Variants in SYNJ1 observed in about 807,000 individuals in gnomAD.
The protein encoded by SYNJ1 is synaptojanin 1.
SYNJ1 carries 78 observed loss-of-function variants against 168.2 expected under a neutral mutation model. The ratio of observed to expected loss-of-function variants is 0.46; its 90% CI spans 0.39 to 0.56. The LOEUF (loss-of-function observed/expected upper bound fraction) is 0.56, where lower values mean the gene tolerates loss of function less well. Among genes scored for constraint, SYNJ1 ranks in the 20% least tolerant of loss-of-function variants. The pLI is 0.00. For synonymous variants in SYNJ1, 539 were observed against 548.6 expected (o/e 0.98, Z 0.24); for missense variants, 1,303 against 1,597.6 (o/e 0.82, Z 3.14).
At chr21:32,688,478 C>T in intron 6 of SYNJ1, 111 bp from the exon 7 acceptor site, 1 of 792,734 alleles carries the variant, frequency 1.3e-6, no homozygotes, top group East Asian at 3.0e-5. Flanking sequence ...AGTCGTTAAT[C>T]AAATAACTGA....
In SYNJ1 at chr21:32,653,301, A is replaced by C. The variant is rs755535504; in HGVS notation, c.2861T>G (p.Leu954Arg). 9.9e-6 allele frequency: 16 copies of C among 1,613,270 alleles called. No homozygotes were observed. Among genetic ancestry groups the C allele is most frequent in the African/African-American group, 1.3e-5 (1 of 74,918 alleles). The change falls in exon 22 of 33, where the codon CTA becomes CGA. Residue 954 changes from leucine to arginine, a missense_variant. Physicochemically the swap from Leu to Arg is moderately radical, Grantham distance 102. This residue lies in a region of SYNJ1 where 920 missense variants were observed against 1,208.8 expected (regional missense o/e 0.76). Coordinates refer to ENST00000674351, the MANE Select transcript of SYNJ1 (RefSeq NM_203446.3). The part of the protein sequence containing the change: ...EGSSALNVLS[L>R]NGKELLNRTI... ...ATGCTACCTTACCTCTTTACCATTTAGGCTCAGAACATTCAAGGCAGAGCT... is the reference window on the plus strand; with the variant it reads ...ATGCTACCTTACCTCTTTACCATTTCGGCTCAGAACATTCAAGGCAGAGCT...
chr21:32,706,091 C>T (rs1449890438), intron 2 of SYNJ1, among the ~76,000 whole-genome samples: 3 of 152,206 alleles, frequency 2.0e-5, no homozygotes, highest in African/African-American at 7.2e-5. Context: ...CTGCAATACT[C>T]CTGCCAGAGG....
chr21:32,660,444 A>T (rs1373195087), intron 18 of SYNJ1, among the ~76,000 whole-genome samples: 1 of 152,254 alleles, frequency 6.6e-6, no homozygotes, highest in Non-Finnish European at 1.5e-5. Context: ...CCCTGCTCCC[A>T]GTATCAGAGA....
chr21:32,697,511 AAAG>A (rs908011452), intron 4 of SYNJ1, among the ~76,000 whole-genome samples: 9 of 151,906 alleles, frequency 5.9e-5, no homozygotes, highest in African/African-American at 1.7e-4. Flanking sequence ...AAAAAAAAAA[AAAG>A]GAGGCCAAGT....
At chr21:32,698,123 C>T (rs2042274069) in intron 4 of SYNJ1, among the ~76,000 whole-genome samples, 1 of 152,094 alleles carries the variant, frequency 6.6e-6, no homozygotes, top group Non-Finnish European at 1.5e-5. Flanking sequence ...CATTCATCTG[C>T]CCTGTTAGTC....
At chr21:32,725,458 A>G (rs918400535) in intron 2 of SYNJ1, among the ~76,000 whole-genome samples, 1 of 152,224 alleles carries the variant, frequency 6.6e-6, no homozygotes, top group Non-Finnish European at 1.5e-5. Context: ...ATTTATACTT[A>G]TTTCTTGGAA....
rs2040464494 is a variant in SYNJ1 at position 32,656,586 on chromosome 21, C to T, written c.2795+101G>A. ...TACTAAACACTAAATAAGGTGGTAT[C>T]TTTCTTTTTTAAAATTCTCTCCTTC... On this transcript the variant is annotated intron_variant, in intron 21 of 32. Coordinates refer to ENST00000674351, the MANE Select transcript of SYNJ1 (RefSeq NM_203446.3). The T allele has an allele frequency of 4.9e-6, 5 of 1,015,186 alleles. No homozygotes were observed. In the South Asian group the frequency reaches 8.8e-5, roughly 18 times the overall value. The allele number at this position is 1,015,186 out of a possible 1,614,324, so 62.9% of individuals were successfully genotyped here. A position where few individuals can be genotyped will look rare whatever the true frequency, so the allele number is the denominator to read the frequency against.
At chr21:32,644,669 T>C (rs1189527509) in intron 26 of SYNJ1, among the ~76,000 whole-genome samples, 1 of 152,198 alleles carries the variant, frequency 6.6e-6, no homozygotes, top group East Asian at 1.9e-4. Flanking sequence ...GTATCACTAA[T>C]CAGATACTTG....
At chr21:32,676,286 TAAG>T (rs747521721) in intron 13 of SYNJ1, 43 bp downstream of exon 13, 9 of 1,483,580 alleles carry the variant, frequency 6.1e-6, no homozygotes, top group Non-Finnish European at 8.2e-6. Context: ...TCAGAAAAAA[TAAG>T]AAAAAATTGC....
At chr21:32,683,476 C>T (rs913311167) in intron 10 of SYNJ1, among the ~76,000 whole-genome samples, 1 of 152,028 alleles carries the variant, frequency 6.6e-6, no homozygotes, top group Non-Finnish European at 1.5e-5. Flanking sequence ...AAACACCAAA[C>T]AAACTGGATT....
At chr21:32,640,164 C>T (rs1291964806) in intron 29 of SYNJ1, among the ~76,000 whole-genome samples, 3 of 152,182 alleles carry the variant, frequency 2.0e-5, no homozygotes, top group African/African-American at 7.2e-5. Context: ...GGCTGCAGGG[C>T]TAGGGTTCTT....
intron 2 of SYNJ1, among the ~76,000 whole-genome samples, chr21:32,704,593 G>C (rs1415587254): frequency 6.6e-6 from 1 of 152,124 alleles, no homozygotes; most frequent in African/African-American, 2.4e-5. Context: ...GTCTGACTAG[G>C]GTGAGGAGAG....
In SYNJ1 at chr21:32,630,481, T is replaced by C. The variant is rs2145651149; in HGVS notation, c.*1324A>G. The C allele has an allele frequency of 6.5e-6, 1 of 153,014 alleles. No individual in the cohort carries two copies. The highest frequency in any genetic ancestry group is 2.1e-4 in the South Asian group (1 of 4,838). The allele number at this position is 153,014 out of a possible 1,614,324, so 9.5% of individuals were successfully genotyped here. ...AATTAAAGTATGAATTGTAAAAATATGTAAATGTATACAGAAGTACATGTG... is the reference window on the plus strand; with the variant it reads ...AATTAAAGTATGAATTGTAAAAATACGTAAATGTATACAGAAGTACATGTG... On this transcript the variant is annotated 3_prime_UTR_variant, in exon 33 of 33. Coordinates refer to ENST00000674351, the MANE Select transcript of SYNJ1 (RefSeq NM_203446.3).
intron 31 of SYNJ1, 28 bp from the exon 32 acceptor site, chr21:32,634,912 G>T (rs1330061971): frequency 1.2e-6 from 2 of 1,613,136 alleles, no homozygotes; most frequent in East Asian, 4.5e-5. Context: ...GACATCAAAG[G>T]AAAGAGTTAG....
At chr21:32,666,636 C>A in intron 15 of SYNJ1, 63 bp from the exon 16 acceptor site, 1 of 1,507,582 alleles carries the variant, frequency 6.6e-7, no homozygotes, top group South Asian at 1.3e-5. Flanking sequence ...TATTTTATGA[C>A]AATTGTCAAT....
intron 18 of SYNJ1, among the ~76,000 whole-genome samples, chr21:32,662,362 A>T (rs1400389088): frequency 1.3e-5 from 2 of 152,224 alleles, no homozygotes; most frequent in African/African-American, 4.8e-5. Context: ...GTAACAAGTT[A>T]AAACAATCTT....
chr21:32,695,357 G>T, intron 4 of SYNJ1, 75 bp from the exon 5 acceptor site: 2 of 1,313,734 alleles, frequency 1.5e-6, no homozygotes, highest in Non-Finnish European at 2.1e-6. Flanking sequence ...ATAATCTCCT[G>T]GAAAATTAAT....
intron 18 of SYNJ1, among the ~76,000 whole-genome samples, chr21:32,661,485 T>A (rs971993203): frequency 6.6e-6 from 1 of 152,190 alleles, no homozygotes; most frequent in East Asian, 1.9e-4. Flanking sequence ...AAGTAACCCG[T>A]GTGCTTCTCC....
At chr21:32,639,577 T>G in intron 30 of SYNJ1, 94 bp downstream of exon 30, 1 of 1,005,722 alleles carries the variant, frequency 9.9e-7, no homozygotes, top group Non-Finnish European at 1.5e-6. Flanking sequence ...GTTTTTAATT[T>G]TTTTACAGGC....
Sources: allele counts gnomAD v4.1 joint callset (sites outside exome capture counted in the v4.1 genomes callset), GRCh38; gene constraint gnomAD v4.1.1; regional missense constraint gnomAD v4.1.1; transcripts MANE v1.5; gene names NCBI Gene and HGNC (gene_info 2026-07-23, HGNC 2026-07-21).